Variants in NRXN1 observed in about 807,000 individuals in gnomAD.
NRXN1 encodes neurexin 1, also known as neurexin-1.
Under a neutral mutation model 150.9 loss-of-function variants are expected in NRXN1, and 39 were observed. The observed-to-expected ratio is 0.26, with a 90% CI of 0.20 to 0.34. The LOEUF is 0.34. Ranked by LOEUF, NRXN1 falls within the 10% of genes least tolerant of loss-of-function variation. NRXN1 has a pLI of 1.00. For synonymous variants in NRXN1, 924 were observed against 757.0 expected (o/e 1.22, Z -3.62); for missense variants, 1,815 against 1,949.9 (o/e 0.93, Z 1.30).
At chr2:49,979,900 T>G (rs1003010858) in intron 21 of NRXN1, among the ~76,000 whole-genome samples, 2 of 115,434 alleles carry the variant, frequency 1.7e-5, no homozygotes, top group Non-Finnish European at 4.1e-5. Flanking sequence ...TTATATTGTT[T>G]TTTTGGTTTT....
intron 5 of NRXN1, among the ~76,000 whole-genome samples, chr2:50,702,947 C>T (rs1693958398): frequency 6.6e-6 from 1 of 151,936 alleles, no homozygotes; most frequent in South Asian, 2.1e-4. Context: ...TTCTGCTTCC[C>T]CCTTTATAAT....
chr2:50,815,381 G>A (rs1279097473), intron 5 of NRXN1, among the ~76,000 whole-genome samples: 1 of 152,118 alleles, frequency 6.6e-6, no homozygotes, highest in Non-Finnish European at 1.5e-5. Flanking sequence ...AGGATGAGGA[G>A]AGTAAGATAA....
At chr2:50,480,124 T>G (rs1392650686) in intron 15 of NRXN1, among the ~76,000 whole-genome samples, 3 of 152,168 alleles carry the variant, frequency 2.0e-5, no homozygotes, top group Admixed American at 6.5e-5. Context: ...TTAAGAAAAT[T>G]TAGGGAATTC....
intron 19 of NRXN1, among the ~76,000 whole-genome samples, chr2:50,062,016 T>C (rs999574804): frequency 6.6e-6 from 1 of 152,116 alleles, no homozygotes; most frequent in African/African-American, 2.4e-5. Flanking sequence ...TTGTAAGGTA[T>C]TAAATGTCAT....
intron 8 of NRXN1, among the ~76,000 whole-genome samples, chr2:50,563,054 C>T (rs1274992257): frequency 6.6e-6 from 1 of 151,888 alleles, no homozygotes; most frequent in African/African-American, 2.4e-5. Flanking sequence ...TTATTCACTT[C>T]AATAAAAAAA....
rs1184494801 is a variant in NRXN1 at position 50,236,948 on chromosome 2, G to C, written c.3387C>G (p.Ser1129Arg). 5 of 1,613,082 alleles carry C rather than the reference G, an allele frequency of 3.1e-6. No individual in the cohort carries two copies. Among genetic ancestry groups the C allele is most frequent in the Non-Finnish European group, 4.2e-6 (5 of 1,179,526 alleles). The change falls in exon 18 of 23, where the codon AGC becomes AGG. Residue 1129 changes from serine (S) to arginine (R), a missense_variant. By Grantham distance (110) the Ser-to-Arg change is moderately radical (BLOSUM62 -1). This residue lies in a region of NRXN1 where 339 missense variants were observed against 440.3 expected (regional missense o/e 0.77). Transcript: ENST00000401669. ...TATACGTGATTTGTCCACCACCTTT[G>C]CTAAAGATATATGTCGTCCCAGCTG... Reference protein sequence around the residue: ...CNDPGTTYIFSKGGGQITYKW... With the variant: ...CNDPGTTYIFRKGGGQITYKW...
chr2:50,186,216 C>A (rs1238283371), intron 18 of NRXN1, among the ~76,000 whole-genome samples: 1 of 152,024 alleles, frequency 6.6e-6, no homozygotes, highest in Non-Finnish European at 1.5e-5. Context: ...CAATACCATC[C>A]TTTTCTGTAA....
chr2:50,831,937 C>T (rs909241207), intron 5 of NRXN1, among the ~76,000 whole-genome samples: 6 of 152,108 alleles, frequency 3.9e-5, no homozygotes, highest in Non-Finnish European at 7.4e-5. Flanking sequence ...CATTGAGTAG[C>T]AGTGGCGGGC....
At position 50,735,529 on chromosome 2, in the gene NRXN1, A is replaced by G. The variant is rs1029205721; in HGVS notation, c.833-111914T>C. ...TCTCAATAAATAACTATAAAATATGAGCTCAGAATATACCATATCCCATAT... is the reference window on the plus strand; with the variant it reads ...TCTCAATAAATAACTATAAAATATGGGCTCAGAATATACCATATCCCATAT... On this transcript the variant is annotated intron_variant, in intron 5 of 22. Coordinates refer to ENST00000401669, the MANE Select transcript of NRXN1 (RefSeq NM_001330078.2). Among the ~76,000 whole-genome samples the G allele has an allele frequency of 1.1e-4, 17 of 152,128 alleles. 1 individual carries two copies. The highest frequency in any genetic ancestry group is 6.2e-4 in the South Asian group (3 of 4,828).
At chr2:50,666,879 ATGTGTG>A (rs34096569) in intron 5 of NRXN1, among the ~76,000 whole-genome samples, 7 of 107,818 alleles carry the variant, frequency 6.5e-5, no homozygotes, top group African/African-American at 1.7e-4. Flanking sequence ...GATGATGATG[ATGTGTG>A]TGTGTGTGTG....
intron 5 of NRXN1, among the ~76,000 whole-genome samples, chr2:50,679,964 C>T (rs556571277): frequency 6.6e-6 from 1 of 151,748 alleles, no homozygotes; most frequent in Non-Finnish European, 1.5e-5. Context: ...AAAACCTCGT[C>T]TCTACAAAAA....
At chr2:50,529,047 C>T (rs191557573) in intron 11 of NRXN1, 4 of 161,422 alleles carry the variant, frequency 2.5e-5, no homozygotes, top group Non-Finnish European at 5.4e-5. Context: ...TAGGCTCAGA[C>T]ATCTTGGACC....
intron 5 of NRXN1, among the ~76,000 whole-genome samples, chr2:50,739,085 C>G (rs539613043): frequency 2.0e-5 from 3 of 152,226 alleles, no homozygotes; most frequent in African/African-American, 7.2e-5. Context: ...AAACTAGACT[C>G]CACATTTTTG....
At chr2:49,966,190 G>A (rs562006356) in intron 21 of NRXN1, among the ~76,000 whole-genome samples, 39 of 152,204 alleles carry the variant, frequency 2.6e-4, no homozygotes, top group Non-Finnish European at 4.1e-4. Context: ...CCATACCTTC[G>A]TTTTCACTGA....
chr2:50,620,975 A>G (rs551188617), intron 7 of NRXN1: 5 of 440,624 alleles, frequency 1.1e-5, no homozygotes, highest in Non-Finnish European at 2.0e-5. Context: ...CCACAGCTGG[A>G]TGCAAAACGT....
intron 8 of NRXN1, among the ~76,000 whole-genome samples, chr2:50,570,111 T>C (rs1045100516): frequency 1.3e-5 from 2 of 152,192 alleles, no homozygotes; most frequent in Non-Finnish European, 2.9e-5. Context: ...TGTAGAATAT[T>C]TCTATTGATA....
At chr2:50,428,675 T>C (rs1206635384) in intron 17 of NRXN1, among the ~76,000 whole-genome samples, 2 of 152,172 alleles carry the variant, frequency 1.3e-5, no homozygotes, top group African/African-American at 4.8e-5. Context: ...CTAATCTGGA[T>C]TTGTGTCTCT....
In NRXN1 at chr2:50,232,387, C is replaced by CT. The variant is rs56846249; in HGVS notation, c.3546+4401dup. On this transcript the variant is annotated intron_variant, in intron 18 of 22. Coordinates refer to ENST00000401669, the MANE Select transcript of NRXN1 (RefSeq NM_001330078.2). ...GTATTATTTTTCTTTCTTTTCTTTT[C>CT]TTTTTTTTTTTTTTTTTTGAGACGG... is the stretch of plus-strand genomic sequence containing the variant. 4.7e-3 allele frequency among the ~76,000 whole-genome samples: 257 copies of CT among 55,204 alleles called. 1 individual carries two copies. Among genetic ancestry groups the CT allele is most frequent in the South Asian group, 8.5e-3 (17 of 2,010 alleles). 36.2% of individuals were successfully genotyped at this position (55,204 alleles called of 152,430 possible).
intron 21 of NRXN1, among the ~76,000 whole-genome samples, chr2:49,973,596 T>C (rs1678350607): frequency 1.3e-5 from 2 of 150,712 alleles, no homozygotes; most frequent in Admixed American, 1.3e-4. Flanking sequence ...ACTAAGTTAA[T>C]ACATATATAC....
Sources: gnomAD v4.1 joint callset for allele counts (sites outside exome capture counted in the v4.1 genomes callset) on GRCh38, gnomAD v4.1.1 for gene constraint, gnomAD v4.1.1 regional missense constraint, MANE v1.5 for transcripts, NCBI Gene and HGNC (gene_info 2026-07-23, HGNC 2026-07-21) for gene names.